Variants in TRPC4 observed in about 807,000 individuals in gnomAD.
The protein encoded by TRPC4 is short transient receptor potential channel 4.
A neutral mutation model predicts 99.4 loss-of-function variants in TRPC4; 49 were observed. The ratio of observed to expected loss-of-function variants is 0.49; its 90% CI spans 0.39 to 0.63. The LOEUF (loss-of-function observed/expected upper bound fraction) is 0.63, where lower values mean the gene tolerates loss of function less well. Among genes scored for constraint, TRPC4 ranks in the 20% least tolerant of loss-of-function variants. The probability of loss-of-function intolerance (pLI) is 0.00; values close to 1 mark genes in which losing one functional copy is unlikely to be tolerated. For synonymous variants in TRPC4, 454 were observed against 425.9 expected (o/e 1.07, Z -0.81); for missense variants, 898 against 1,152.9 (o/e 0.78, Z 3.20).
intron 2 of TRPC4, among the ~76,000 whole-genome samples, chr13:37,750,149 C>T (rs78020385): frequency 6.6e-6 from 1 of 152,212 alleles, no homozygotes; most frequent in Non-Finnish European, 1.5e-5. Context: ...AAATATATTC[C>T]TTTGTTAGTA....
At chr13:37,645,296 C>T (rs549529932) in intron 8 of TRPC4, among the ~76,000 whole-genome samples, 2 of 152,148 alleles carry the variant, frequency 1.3e-5, no homozygotes, top group East Asian at 3.9e-4. Context: ...AAGGAAACTC[C>T]GGAATTTCAA....
At chr13:37,768,868 C>CT (rs1481596685) in intron 2 of TRPC4, among the ~76,000 whole-genome samples, 1 of 151,338 alleles carries the variant, frequency 6.6e-6, no homozygotes, top group East Asian at 2.0e-4. Flanking sequence ...CTACTTTCTG[C>CT]TTTTTGGATC....
rs1951512262 is a variant in TRPC4 at position 37,636,160 on chromosome 13, T to G, written c.*743A>C. Among the ~76,000 whole-genome samples the G allele has an allele frequency of 6.6e-6, 1 of 152,096 alleles. No homozygotes were observed. Among genetic ancestry groups the G allele is most frequent in the African/African-American group, 2.4e-5 (1 of 41,442 alleles). On this transcript the variant is annotated 3_prime_UTR_variant, in exon 11 of 11. Transcript: ENST00000379705. Reference sequence around the variant, plus strand: ...TATTCATAAAGACTCATATTTATACTGATAAGCAGTTGAATCTGAAATAGG... The same window carrying G: ...TATTCATAAAGACTCATATTTATACGGATAAGCAGTTGAATCTGAAATAGG...
chr13:37,830,122 TA>T (rs1468058347), intron 1 of TRPC4, among the ~76,000 whole-genome samples: 3 of 152,084 alleles, frequency 2.0e-5, no homozygotes, highest in Non-Finnish European at 2.9e-5. Flanking sequence ...TTGTGTATTT[TA>T]AAAGGGTGAG....
intron 2 of TRPC4, among the ~76,000 whole-genome samples, chr13:37,758,424 A>G (rs1406641722): frequency 6.6e-6 from 1 of 151,834 alleles, no homozygotes; most frequent in Non-Finnish European, 1.5e-5. Flanking sequence ...GATAAGGATT[A>G]TTTACCAAAA....
intron 2 of TRPC4, among the ~76,000 whole-genome samples, chr13:37,778,078 G>C (rs1956754356): frequency 6.6e-6 from 1 of 152,064 alleles, no homozygotes; most frequent in African/African-American, 2.4e-5. Context: ...CAGTCTGAAT[G>C]TGTACATCCA....
intron 7 of TRPC4, among the ~76,000 whole-genome samples, chr13:37,653,596 CTTTGGTTCTCCA>C (rs1375303045): frequency 6.6e-6 from 1 of 152,082 alleles, no homozygotes; most frequent in African/African-American, 2.4e-5. Context: ...CTCAGTGACT[CTTTGGTTCTCCA>C]TAGTCTTAGG....
Position 37,746,111 on chromosome 13 carries a change from A to G in TRPC4, c.723T>C (p.Tyr241=). The G allele has an allele frequency of 1.2e-6, 2 of 1,613,890 alleles. No homozygotes were observed. The highest frequency in any genetic ancestry group is 8.5e-7 in the Non-Finnish European group (1 of 1,179,900). ...SKVENEFKSE[Y]EELSRQCKQF... is the part of the protein sequence containing the mutation. ...GTTTGCACTGCCGTGACAGCTCTTC[A>G]TACTCCGACTTGAATTCATTTTCCA... Residue 241 remains tyrosine (Y), a synonymous_variant, in exon 3 of 11, where the codon TAT becomes TAC. Transcript: ENST00000379705.
chr13:37,834,319 T>A (rs1023077946), intron 1 of TRPC4, among the ~76,000 whole-genome samples: 3 of 152,244 alleles, frequency 2.0e-5, no homozygotes, highest in African/African-American at 7.2e-5. Context: ...TTGAATACTT[T>A]AAGTCACATG....
At chr13:37,804,560 G>A (rs1957482692) in intron 1 of TRPC4, among the ~76,000 whole-genome samples, 1 of 152,056 alleles carries the variant, frequency 6.6e-6, no homozygotes, top group Admixed American at 6.6e-5. Context: ...GGTTTTTATT[G>A]TATTTTATAG....
chr13:37,747,977 T>C (rs1254395303), intron 2 of TRPC4, among the ~76,000 whole-genome samples: 1 of 152,168 alleles, frequency 6.6e-6, no homozygotes, highest in African/African-American at 2.4e-5. Flanking sequence ...AAGATGGCTC[T>C]TAAGTGACTA....
chr13:37,781,602 A>C (rs1028513145), intron 2 of TRPC4, among the ~76,000 whole-genome samples: 8 of 152,124 alleles, frequency 5.3e-5, no homozygotes, highest in Non-Finnish European at 1.5e-5. Context: ...GTTTGAAAGA[A>C]TACAAGAAAC....
At chr13:37,809,044 G>C (rs945088246) in intron 1 of TRPC4, among the ~76,000 whole-genome samples, 1 of 152,036 alleles carries the variant, frequency 6.6e-6, no homozygotes, top group Non-Finnish European at 1.5e-5. Context: ...CCAGCAAACA[G>C]GTTTATCCAA....
chr13:37,675,976 C>T (rs936517577), intron 4 of TRPC4, among the ~76,000 whole-genome samples: 3 of 152,100 alleles, frequency 2.0e-5, no homozygotes, highest in Non-Finnish European at 4.4e-5. Context: ...CTTTTCCACC[C>T]TAAGCTGTGG....
At chr13:37,788,984 C>T (rs536763107) in intron 1 of TRPC4, among the ~76,000 whole-genome samples, 4 of 152,174 alleles carry the variant, frequency 2.6e-5, no homozygotes, top group Non-Finnish European at 2.9e-5. Context: ...ATCTTTTACA[C>T]GAGCTACAGC....
At chr13:37,683,194 G>T (rs1412680850) in intron 4 of TRPC4, among the ~76,000 whole-genome samples, 1 of 152,076 alleles carries the variant, frequency 6.6e-6, no homozygotes, top group African/African-American at 2.4e-5. Context: ...AAGTCTGGGA[G>T]TTTCTACAAG....
chr13:37,775,247 A>G (rs997296107), intron 2 of TRPC4, among the ~76,000 whole-genome samples: 8 of 151,852 alleles, frequency 5.3e-5, no homozygotes, highest in African/African-American at 1.9e-4. Context: ...ATAATAATAT[A>G]AAGTGCTTTA....
At chr13:37,662,120 G>T (rs1952465514) in intron 6 of TRPC4, among the ~76,000 whole-genome samples, 1 of 152,050 alleles carries the variant, frequency 6.6e-6, no homozygotes, top group Non-Finnish European at 1.5e-5. Context: ...ACTCAGCCTG[G>T]CCAACATGTT....
chr13:37,756,460 A>G (rs1182640389), intron 2 of TRPC4, among the ~76,000 whole-genome samples: 3 of 152,130 alleles, frequency 2.0e-5, no homozygotes, highest in Non-Finnish European at 4.4e-5. Context: ...AGACTGGTGG[A>G]TAAGAGAAAA....
Sources: allele counts gnomAD v4.1 joint callset (sites outside exome capture counted in the v4.1 genomes callset), GRCh38; gene constraint gnomAD v4.1.1; transcripts MANE v1.5; gene names NCBI Gene and HGNC (gene_info 2026-07-23, HGNC 2026-07-21).